Variants in ZNF823 observed in about 807,000 individuals in gnomAD.
The protein encoded by ZNF823 is zinc finger protein 823, also known as ZFP 36 for a zinc finger protein.
In ZNF823, 5 loss-of-function variants were observed where a neutral mutation model predicts 11.4. The ratio of observed to expected loss-of-function variants is 0.44; its 90% confidence interval spans 0.23 to 0.92. The LOEUF (loss-of-function observed/expected upper bound fraction) is 0.92. Among genes scored for constraint, ZNF823 ranks in the 40% least tolerant of loss-of-function variants. ZNF823 has a pLI of 0.24. For missense variants in ZNF823, 582 were observed against 738.5 expected, an observed-to-expected ratio of 0.79 and a Z score of 2.46; for synonymous variants, 234 against 250.5, an observed-to-expected ratio of 0.93 and a Z score of 0.62.
At chr19:11,726,771 CTGTTA>C (rs1974799335) in intron 1 of ZNF823, among the ~76,000 whole-genome samples, 2 of 152,152 alleles carry the variant, frequency 1.3e-5, no homozygotes, top group African/African-American at 4.8e-5. Flanking sequence ...TCAGGTAATC[CTGTTA>C]TAAGTAACAA....
At chr19:11,738,381 T>C (rs978270663) in intron 1 of ZNF823, among the ~76,000 whole-genome samples, 3 of 152,232 alleles carry the variant, frequency 2.0e-5, no homozygotes, top group Non-Finnish European at 4.4e-5. Flanking sequence ...CAGCCGTCCC[T>C]GTCCACACCT....
rs747867508 is a variant in ZNF823, at chr19:11,723,284, G to A, written c.250C>T (p.Pro84Ser). The A allele has an allele frequency of 4.3e-6, 7 of 1,613,630 alleles. No individual in the cohort carries two copies. The highest frequency in any genetic ancestry group is 1.6e-4 in the Middle Eastern group (1 of 6,084). Residue 84 changes from proline (P) to serine (S), a missense_variant, in exon 4 of 4, where the codon CCA becomes TCA. Transcript: ENST00000341191. ...GTGTTCTTGTTCACAATACTATCTG[G>A]AATCTGGCCAAAAGTTTCTCCACAT... is the stretch of plus-strand genomic sequence containing the variant. ...SQCGETFGQIPDSIVNKNTPR... is the reference protein window; with the variant it reads ...SQCGETFGQISDSIVNKNTPR...
At chr19:11,735,558 T>C (rs991547125) in intron 1 of ZNF823, among the ~76,000 whole-genome samples, 2 of 152,106 alleles carry the variant, frequency 1.3e-5, no homozygotes, top group Non-Finnish European at 2.9e-5. Flanking sequence ...CCTCCCATGT[T>C]TGGAATGAAC....
chr19:11,735,281 C>CAAACAAAAAA (rs1974973442), intron 1 of ZNF823, among the ~76,000 whole-genome samples: 3 of 99,364 alleles, frequency 3.0e-5, no homozygotes, highest in Non-Finnish European at 4.4e-5. Context: ...TTTCAAAAAA[C>CAAACAAAAAA]AAAAAAAAAA....
intron 1 of ZNF823, among the ~76,000 whole-genome samples, chr19:11,738,296 A>G (rs750358842): frequency 4.6e-5 from 7 of 152,160 alleles, no homozygotes; most frequent in South Asian, 2.1e-4. Flanking sequence ...GAACCCACTC[A>G]GCAGAATGCG....
At chr19:11,725,530 A>G (rs1000876596) in intron 1 of ZNF823, among the ~76,000 whole-genome samples, 1 of 152,252 alleles carries the variant, frequency 6.6e-6, no homozygotes, top group East Asian at 1.9e-4. Flanking sequence ...GTAAAGTAAC[A>G]GTCGAATAGG....
intron 1 of ZNF823, among the ~76,000 whole-genome samples, chr19:11,732,676 G>C (rs1974923644): frequency 6.6e-6 from 1 of 151,826 alleles, no homozygotes; most frequent in African/African-American, 2.4e-5. Context: ...TTCGTGATCT[G>C]CCCACCTCGG....
intron 1 of ZNF823, among the ~76,000 whole-genome samples, chr19:11,731,034 C>T (rs926407150): frequency 1.3e-5 from 2 of 151,286 alleles, no homozygotes; most frequent in East Asian, 1.9e-4. Context: ...CGCCCGCAGC[C>T]GGGTGAGGTG....
At chr19:11,729,799 G>A (rs1299593109) in intron 1 of ZNF823, among the ~76,000 whole-genome samples, 2 of 152,050 alleles carry the variant, frequency 1.3e-5, no homozygotes, top group Admixed American at 6.6e-5. Flanking sequence ...CTTGGTCACT[G>A]GTCTGATATT....
chr19:11,721,559 T>C lies in ZNF823; in HGVS notation c.*142A>G. 1.3e-6 allele frequency: 1 copy of C among 797,984 alleles called. No homozygotes were observed. The highest frequency in any genetic ancestry group is 1.9e-6 in the Non-Finnish European group (1 of 514,908). 49.4% of individuals were successfully genotyped at this position (797,984 alleles called of 1,614,324 possible). ...GTGCTGGAACCAATCCCCTGCAATATATTGGGGGATAACTGTATTTAAAAA... is the reference window on the plus strand; with the variant it reads ...GTGCTGGAACCAATCCCCTGCAATACATTGGGGGATAACTGTATTTAAAAA... On this transcript the variant is annotated 3_prime_UTR_variant, in exon 4 of 4. Coordinates refer to ENST00000341191, the MANE Select transcript of ZNF823 (RefSeq NM_001080493.4).
At position 11,722,635 on chromosome 19, in the gene ZNF823, C is replaced by T. The variant is rs780025015; in HGVS notation, c.899G>A (p.Gly300Glu). ...YTRLHERTHT[G>E]EQPYACKQCG... The stretch of plus-strand genomic sequence containing the variant: ...TTGCTTACATGCATAGGGTTGTTCT[C>T]CCGTGTGAGTCCTTTCATGTAGTCG... The change falls in exon 4 of 4, where the codon GGA becomes GAA. Residue 300 changes from glycine (G) to glutamate (E), a missense_variant. By Grantham distance (98) the Gly-to-Glu change is moderately conservative (BLOSUM62 -2). Transcript: ENST00000341191. This position sits in a 1 kb window ranked among gnomAD's most constrained non-coding sequence, Gnocchi z 5.2. 6.2e-7 allele frequency: 1 copy of T among 1,613,984 alleles called. No individual in the cohort carries two copies. Among genetic ancestry groups the T allele is most frequent in the African/African-American group, 1.3e-5 (1 of 74,990 alleles).
At chr19:11,727,963 G>A (rs1298766129) in intron 1 of ZNF823, among the ~76,000 whole-genome samples, 4 of 94,102 alleles carry the variant, frequency 4.3e-5, no homozygotes, top group African/African-American at 4.8e-5. Context: ...TGCAAGCTCC[G>A]CCTCCTGGGT....
At position 11,722,633 on chromosome 19, in the gene ZNF823, C is replaced by G. The variant is rs1482802788; in HGVS notation, c.901G>C (p.Glu301Gln). Residue 301 changes from glutamate to glutamine, a missense_variant, in exon 4 of 4, where the codon GAA becomes CAA. Transcript: ENST00000341191. This position sits in a 1 kb window ranked among gnomAD's most constrained non-coding sequence, Gnocchi z 5.2. Reference protein sequence around the residue: ...TRLHERTHTGEQPYACKQCGK... With the variant: ...TRLHERTHTGQQPYACKQCGK... ...CATTGCTTACATGCATAGGGTTGTT[C>G]TCCCGTGTGAGTCCTTTCATGTAGT... 6.2e-7 allele frequency: 1 copy of G among 1,614,022 alleles called. No homozygotes were observed. Among genetic ancestry groups the G allele is most frequent in the Non-Finnish European group, 8.5e-7 (1 of 1,179,968 alleles).
chr19:11,722,801 C>T lies in ZNF823; in HGVS notation c.733G>A (p.Glu245Lys), dbSNP rs1454500646. ...YLRHERIHTG[E>K]KAYECKQCSK... ...CACTGCTTACATTCATACGCTTTCT[C>T]TCCCGTGTGGATTCTTTCATGTCTT... Residue 245 changes from glutamate (E) to lysine (K), a missense_variant, in exon 4 of 4, where the codon GAG becomes AAG. Physicochemically the swap from Glu to Lys is moderately conservative, Grantham distance 56 (BLOSUM62 1). This residue lies in a region of ZNF823 where 429 missense variants were observed against 553.7 expected (regional missense o/e 0.77). Transcript: ENST00000341191. The surrounding 1 kb of genome is among the most constrained non-coding windows in gnomAD (Gnocchi z 5.2). The T allele has an allele frequency of 6.2e-7, 1 of 1,614,020 alleles. No individual in the cohort carries two copies. Among genetic ancestry groups the T allele is most frequent in the African/African-American group, 1.3e-5 (1 of 74,908 alleles).
At chr19:11,729,363 T>C (rs1182341743) in intron 1 of ZNF823, among the ~76,000 whole-genome samples, 1 of 152,132 alleles carries the variant, frequency 6.6e-6, no homozygotes, top group Admixed American at 6.5e-5. Flanking sequence ...CAAGGAAAGA[T>C]ACAGGGGATG....
chr19:11,730,615 T>G (rs1974875682), intron 1 of ZNF823: 1 of 152,036 alleles, frequency 6.6e-6, no homozygotes, highest in Admixed American at 6.6e-5. Context: ...GGCTGAAAAT[T>G]ATTTCACAGT....
chr19:11,721,429 T>C lies in ZNF823; in HGVS notation c.*272A>G. 1 of 344,780 alleles carries C rather than the reference T, an allele frequency of 2.9e-6. No individual in the cohort carries two copies. The highest frequency in any genetic ancestry group is 6.1e-5 in the South Asian group (1 of 16,508). The allele number at this position is 344,780 out of a possible 1,614,324, so 21.4% of individuals were successfully genotyped here. On this transcript the variant is annotated 3_prime_UTR_variant, in exon 4 of 4. Coordinates refer to ENST00000341191, the MANE Select transcript of ZNF823 (RefSeq NM_001080493.4). ...CATAGCTTTTACAATGCATGAGGTA[T>C]TAAAAGTCATCTAGAGATGATTTAC...
chr19:11,725,065 G>T, intron 2 of ZNF823, 136 bp downstream of exon 2: 1 of 1,147,386 alleles, frequency 8.7e-7, no homozygotes, highest in East Asian at 2.5e-5. Context: ...ACTGTTTGAG[G>T]GGCTGACACC....
At chr19:11,728,829 A>C (rs1205377330) in intron 1 of ZNF823, among the ~76,000 whole-genome samples, 1 of 152,146 alleles carries the variant, frequency 6.6e-6, no homozygotes, top group Non-Finnish European at 1.5e-5. Flanking sequence ...TTGAATGTGT[A>C]TATCTACATA....
Sources: gnomAD v4.1 joint callset for allele counts (sites outside exome capture counted in the v4.1 genomes callset) on GRCh38, gnomAD v4.1.1 for gene constraint, gnomAD v4.1.1 regional missense constraint, Gnocchi (gnomAD v3.1) non-coding constraint, MANE v1.5 for transcripts, NCBI Gene and HGNC (gene_info 2026-07-23, HGNC 2026-07-21) for gene names.